SLC12A4: variants seen among roughly 807,000 people sequenced by gnomAD.
The protein encoded by SLC12A4 is solute carrier family 12 member 4.
A neutral mutation model predicts 119.2 loss-of-function variants in SLC12A4; 84 were observed. The ratio of observed to expected loss-of-function variants is 0.70; its 90% confidence interval spans 0.59 to 0.85. The LOEUF (loss-of-function observed/expected upper bound fraction) is 0.85. SLC12A4 is among the 40% of genes least tolerant of loss of function. The pLI is 0.00. For synonymous variants in SLC12A4, 599 were observed against 604.6 expected (o/e 0.99, Z 0.14); for missense variants, 1,298 against 1,476.3 (o/e 0.88, Z 1.98).
intron 1 of SLC12A4, 54 bp downstream of exon 1, chr16:67,968,385 C>T (rs575627484): frequency 4.0e-4 from 577 of 1,459,844 alleles, no homozygotes; most frequent in Middle Eastern, 5.2e-4. Context: ...GGGATGGCGG[C>T]CCCGGGTGGC....
At position 67,949,247 on chromosome 16, in the gene SLC12A4, C is replaced by T. The variant is rs115850695; in HGVS notation, c.1748+553G>A. Among the ~76,000 whole-genome samples, 1,556 of 152,216 alleles carry T rather than the reference C, an allele frequency of 0.01. 24 individuals carry two copies. The highest frequency in any genetic ancestry group is 0.035 in the African/African-American group (1,473 of 41,526). On this transcript the variant is annotated intron_variant, in intron 13 of 23. Transcript: ENST00000316341. This position sits in a 1 kb window ranked among gnomAD's most constrained non-coding sequence, Gnocchi z 4.6. ...GGTGGATCATCTGACGTCAGGAGTT[C>T]GACACCAGCCTGGCCAAGATGGTAA...
At chr16:67,957,671 G>A (rs1486190454) in intron 5 of SLC12A4, 71 bp downstream of exon 5, 2 of 1,579,072 alleles carry the variant, frequency 1.3e-6, no homozygotes, top group Non-Finnish European at 1.7e-6. Context: ...TGCTATGGGG[G>A]TTCCCAGGTA....
chr16:67,946,879 C>T, intron 17 of SLC12A4, 58 bp downstream of exon 17: 16 of 1,551,214 alleles, frequency 1.0e-5, no homozygotes, highest in Non-Finnish European at 1.4e-5. Flanking sequence ...CCCCTCCGTG[C>T]CAGCTGCAGT....
At chr16:67,963,797 T>A in intron 1 of SLC12A4, 1 of 1,239,516 alleles carries the variant, frequency 8.1e-7, no homozygotes, top group East Asian at 2.6e-5. Context: ...GGAATCCAGG[T>A]GAGGGCGCAG....
Position 67,950,616 on chromosome 16 carries a change from C to T in SLC12A4, c.1454+38G>A, listed in dbSNP as rs1567417700. On this transcript the variant is annotated intron_variant, in intron 11 of 23. Coordinates refer to ENST00000316341, the MANE Select transcript of SLC12A4 (RefSeq NM_005072.5). The surrounding 1 kb of genome is among the most constrained non-coding windows in gnomAD (Gnocchi z 4.3). ...GAGCTGGTGTGAGGGCAGGCCAAAG[C>T]CCAGCCGCTGCTAAAGAGGGGGGCC... 1 of 1,608,792 alleles carries T rather than the reference C, an allele frequency of 6.2e-7. No individual in the cohort carries two copies.
At position 67,968,596 on chromosome 16, in the gene SLC12A4, G is replaced by A; in HGVS notation, c.-43C>T. The A allele has an allele frequency of 2.2e-6, 3 of 1,394,380 alleles. No homozygotes were observed. Among genetic ancestry groups the A allele is most frequent in the East Asian group, 3.6e-5 (1 of 28,148 alleles). The allele number at this position is 1,394,380 out of a possible 1,614,324, so 86.4% of individuals were successfully genotyped here. On this transcript the variant is annotated 5_prime_UTR_variant, in exon 1 of 24. Transcript: ENST00000316341. Reference sequence around the variant, plus strand: ...GCCGCACCCGCCGTCCCAGCCGCCCGCCGCTGTCCCCGCCGCTGTCCCCGC... The same window carrying A: ...GCCGCACCCGCCGTCCCAGCCGCCCACCGCTGTCCCCGCCGCTGTCCCCGC...
chr16:67,945,433 T>C lies in SLC12A4; in HGVS notation c.2968A>G (p.Met990Val), dbSNP rs986994472. ...IQMTWTRDKY[M>V]TETWDPSHAP... is the part of the protein sequence containing the mutation. ...TGGCTGGGGTCCCAGGTCTCAGTCA[T>C]GTACTTGTCCCTGGTCCACGTCATC... The change falls in exon 22 of 24, where the codon ATG becomes GTG. Residue 990 changes from methionine (M) to valine (V), a missense_variant. Physicochemically the swap from Met to Val is conservative, Grantham distance 21. Coordinates refer to ENST00000316341, the MANE Select transcript of SLC12A4 (RefSeq NM_005072.5). The C allele has an allele frequency of 1.2e-6, 2 of 1,614,124 alleles. No individual in the cohort carries two copies. The highest frequency in any genetic ancestry group is 1.3e-5 in the African/African-American group (1 of 75,060).
At chr16:67,957,864 G>A (rs572059969) in intron 4 of SLC12A4, 34 bp downstream of exon 4, 6 of 1,614,000 alleles carry the variant, frequency 3.7e-6, no homozygotes, top group South Asian at 1.1e-5. Flanking sequence ...CGTGGCCCAT[G>A]CCCAGCCCAA....
chr16:67,962,556 C>A (rs928957321), intron 2 of SLC12A4: 1 of 152,272 alleles, frequency 6.6e-6, no homozygotes, highest in African/African-American at 2.4e-5. Context: ...GATTAAGGAG[C>A]CTCGGCCAGA....
chr16:67,949,799 C>A lies in SLC12A4; in HGVS notation c.1748+1G>T. The A allele has an allele frequency of 6.2e-7, 1 of 1,604,834 alleles. No homozygotes were observed. The highest frequency in any genetic ancestry group is 8.5e-7 in the Non-Finnish European group (1 of 1,173,790). ...CCCTGCCCTGCCCGGCCCCAGCTCA[C>A]ATGGATAAGATGGGGGCCACCATGT... On this transcript the variant is annotated splice_donor_variant, in intron 13 of 23. Transcript: ENST00000316341. LOFTEE classifies it high-confidence loss of function. The surrounding 1 kb of genome is among the most constrained non-coding windows in gnomAD (Gnocchi z 4.6).
chr16:67,944,440 C>A lies in SLC12A4; in HGVS notation c.*400G>T. On this transcript the variant is annotated 3_prime_UTR_variant, in exon 24 of 24. Coordinates refer to ENST00000316341, the MANE Select transcript of SLC12A4 (RefSeq NM_005072.5). This position sits in a 1 kb window ranked among gnomAD's most constrained non-coding sequence, Gnocchi z 6.6. ...TAGTAGACTGAGCCAGATCTTCCTG[C>A]AGGCAGCTGGGCTGGACTCCCTCCC... 4 of 1,257,058 alleles carry A rather than the reference C, an allele frequency of 3.2e-6. No homozygotes were observed. Among genetic ancestry groups the A allele is most frequent in the Non-Finnish European group, 3.0e-6 (3 of 999,162 alleles). The allele number at this position is 1,257,058 out of a possible 1,614,324, so 77.9% of individuals were successfully genotyped here.
rs932030983 is a variant in SLC12A4, at chr16:67,948,034, G to A, written c.1847+27C>T. ...GAATGAGGCTCCTGGCCTCCCCAGG[G>A]TCTCCCGTGTCAGAGGCATGGCTCA... On this transcript the variant is annotated intron_variant, in intron 14 of 23. Coordinates refer to ENST00000316341, the MANE Select transcript of SLC12A4 (RefSeq NM_005072.5). 2.5e-6 allele frequency: 4 copies of A among 1,609,342 alleles called. No individual in the cohort carries two copies. The East Asian group carries it at 8.9e-5, about 36-fold the overall frequency.
At position 67,949,239 on chromosome 16, in the gene SLC12A4, C is replaced by A. The variant is rs1870036591; in HGVS notation, c.1748+561G>T. 6.6e-6 allele frequency among the ~76,000 whole-genome samples: 1 copy of A among 152,178 alleles called. No homozygotes were observed. The highest frequency in any genetic ancestry group is 1.5e-5 in the Non-Finnish European group (1 of 68,030). ...CCGAGCCAGGTGGATCATCTGACGT[C>A]AGGAGTTCGACACCAGCCTGGCCAA... On this transcript the variant is annotated intron_variant, in intron 13 of 23. Coordinates refer to ENST00000316341, the MANE Select transcript of SLC12A4 (RefSeq NM_005072.5). The surrounding 1 kb of genome is among the most constrained non-coding windows in gnomAD (Gnocchi z 4.6).
At chr16:67,963,605 A>G (rs910052679) in intron 1 of SLC12A4, 46 bp from the exon 2 acceptor site, 1 of 1,396,756 alleles carries the variant, frequency 7.2e-7, no homozygotes, top group Non-Finnish European at 9.8e-7. Context: ...TGAGCCCCCC[A>G]GCCTGGGCCC....
In SLC12A4 at chr16:67,949,901, C is replaced by A. The variant is rs184951084; in HGVS notation, c.1647G>T (p.Lys549Asn). 6.2e-7 allele frequency: 1 copy of A among 1,612,270 alleles called. No homozygotes were observed. Among genetic ancestry groups the A allele is most frequent in the East Asian group, 2.2e-5 (1 of 44,750 alleles). Reference sequence around the variant, plus strand: ...GTGCCCATGTGGGTTCACCATTCACCTTCCCGTGGCCAAACACCTGTGTGC... The same window carrying A: ...GTGCCCATGTGGGTTCACCATTCACATTCCCGTGGCCAAACACCTGTGTGC... Reference protein sequence around the residue: ...IPFLRVFGHGKVNGEPTWALL... With the variant: ...IPFLRVFGHGNVNGEPTWALL... Residue 549 changes from lysine to asparagine, a missense_variant, in exon 13 of 24, where the codon AAG becomes AAT. Coordinates refer to ENST00000316341, the MANE Select transcript of SLC12A4 (RefSeq NM_005072.5). The surrounding 1 kb of genome is among the most constrained non-coding windows in gnomAD (Gnocchi z 4.6).
intron 5 of SLC12A4, among the ~76,000 whole-genome samples, chr16:67,956,155 C>T (rs554700440): frequency 1.8e-4 from 28 of 151,538 alleles, no homozygotes; most frequent in East Asian, 1.8e-3. Flanking sequence ...CCAGCCTGGG[C>T]GACACACTCC....
chr16:67,966,944 A>AAGGCGTGGCCAAGGT, intron 1 of SLC12A4: 1 of 1,411,942 alleles, frequency 7.1e-7, no homozygotes, highest in African/African-American at 1.4e-5. Flanking sequence ...AGGTGGGGCC[A>AAGGCGTGGCCAAGGT]GCAGCTAGGC....
In SLC12A4 at chr16:67,957,764, G is replaced by A. The variant is rs140614589; in HGVS notation, c.522C>T (p.Ile174=). 144 of 1,613,734 alleles carry A rather than the reference G, an allele frequency of 8.9e-5. No homozygotes were observed. Among genetic ancestry groups the A allele is most frequent in the Non-Finnish European group, 1.2e-4 (137 of 1,180,030 alleles). The part of the protein sequence containing the change: ...TLLTAISMSA[I]ATNGVVPAGG... ...GACCTGGAACCACACCGTTGGTGGC[G>A]ATGGCACTCATGGAGATGGCCGTCA... The change falls in exon 5 of 24, where the codon ATC becomes ATT. Residue 174 remains isoleucine (I), a synonymous_variant. Coordinates refer to ENST00000316341, the MANE Select transcript of SLC12A4 (RefSeq NM_005072.5).
In SLC12A4 at chr16:67,946,505, G is replaced by C. The variant is rs749583283; in HGVS notation, c.2370C>G (p.Ser790=). ...AGCCGTAGGGCCAGCCCAGCACCAC[G>C]GAGTTATGCCGCATGCCTCCCAGGC... The part of the protein sequence containing the change: ...SCGLGGMRHN[S]VVLGWPYGWR... Residue 790 remains serine, a synonymous_variant, in exon 18 of 24, where the codon TCC becomes TCG. Transcript: ENST00000316341. The C allele has an allele frequency of 4.7e-5, 76 of 1,609,500 alleles. No homozygotes were observed. In the South Asian group the frequency reaches 8.1e-4, roughly 17 times the overall value.
Sources: allele counts gnomAD v4.1 joint callset (sites outside exome capture counted in the v4.1 genomes callset), GRCh38; gene constraint gnomAD v4.1.1; non-coding constraint Gnocchi (gnomAD v3.1); transcripts MANE v1.5; gene names NCBI Gene and HGNC (gene_info 2026-07-23, HGNC 2026-07-21).